RBFOX1: variants seen among roughly 807,000 people sequenced by gnomAD.
RBFOX1 encodes RNA binding protein fox-1 homolog 1.
A neutral mutation model predicts 57.7 loss-of-function variants in RBFOX1; 8 were observed. That is an observed-to-expected ratio of 0.14 (90% CI 0.08 to 0.25). The LOEUF (loss-of-function observed/expected upper bound fraction) is 0.25. Among genes scored for constraint, RBFOX1 ranks in the 10% least tolerant of loss-of-function variants. The pLI, the probability that RBFOX1 is intolerant of heterozygous loss-of-function variation, is 1.00. For synonymous variants in RBFOX1, 326 were observed against 222.4 expected, an observed-to-expected ratio of 1.47 and a Z score of -4.15; for missense variants, 611 against 548.5, an observed-to-expected ratio of 1.11 and a Z score of -1.14.
intron 3 of RBFOX1, among the ~76,000 whole-genome samples, chr16:5,806,788 A>G (rs984282315): frequency 1.3e-5 from 2 of 152,204 alleles, no homozygotes; most frequent in Non-Finnish European, 2.9e-5. Flanking sequence ...TGACTGCAGG[A>G]TCACTGATGC....
chr16:6,349,916 G>T lies in RBFOX1; in HGVS notation c.-64+32859G>T, dbSNP rs2795566. Among the ~76,000 whole-genome samples, 1,238 of 152,282 alleles carry T rather than the reference G, an allele frequency of 8.1e-3. 21 individuals carry two copies. The highest frequency in any genetic ancestry group is 0.028 in the African/African-American group (1,166 of 41,558). On this transcript the variant is annotated intron_variant, in intron 2 of 15. Coordinates refer to ENST00000550418, the MANE Select transcript of RBFOX1 (RefSeq NM_018723.4). ...AGAACTCGTGTCTTCTACAGGGGAT[G>T]CCATGGGGGGCAGTGGTGAGCTTAA... is the stretch of plus-strand genomic sequence containing the variant.
intron 11 of RBFOX1, among the ~76,000 whole-genome samples, chr16:7,650,116 G>T (rs915082733): frequency 7.3e-5 from 11 of 151,430 alleles, no homozygotes; most frequent in Non-Finnish European, 1.6e-4. Context: ...AGTATAAGAA[G>T]GAAGGAAGGA....
chr16:7,170,777 G>C (rs887219390), intron 4 of RBFOX1, among the ~76,000 whole-genome samples: 1 of 152,080 alleles, frequency 6.6e-6, no homozygotes, highest in Non-Finnish European at 1.5e-5. Context: ...TACAGTCTTA[G>C]GGAAAACATG....
chr16:7,161,259 T>A (rs938129689), intron 4 of RBFOX1, among the ~76,000 whole-genome samples: 2 of 152,192 alleles, frequency 1.3e-5, no homozygotes, highest in African/African-American at 2.4e-5. Context: ...TGATTAATGA[T>A]GTCTGCTGTG....
chr16:5,281,564 C>G (rs1333822900), intron 1 of RBFOX1, among the ~76,000 whole-genome samples: 1 of 152,164 alleles, frequency 6.6e-6, no homozygotes, highest in South Asian at 2.1e-4. Flanking sequence ...CTCTATCTCT[C>G]CGTCTAGATT....
chr16:5,700,341 C>G (rs905526033), intron 3 of RBFOX1, among the ~76,000 whole-genome samples: 3 of 151,586 alleles, frequency 2.0e-5, no homozygotes, highest in East Asian at 1.9e-4. Context: ...CCTGGTCTTT[C>G]TATATCTAAA....
chr16:5,749,577 T>A (rs2053116551), intron 3 of RBFOX1, among the ~76,000 whole-genome samples: 1 of 152,202 alleles, frequency 6.6e-6, no homozygotes, highest in South Asian at 2.1e-4. Flanking sequence ...TTTTACTCTT[T>A]TTTCTCTAAA....
chr16:6,276,211 G>T (rs2075784657), intron 1 of RBFOX1, among the ~76,000 whole-genome samples: 1 of 152,236 alleles, frequency 6.6e-6, no homozygotes, highest in South Asian at 2.1e-4. Flanking sequence ...TTTTGTTACA[G>T]TCGTCAGAAC....
At chr16:7,412,839 G>A (rs929707264) in intron 4 of RBFOX1, among the ~76,000 whole-genome samples, 1 of 152,082 alleles carries the variant, frequency 6.6e-6, no homozygotes, top group Non-Finnish European at 1.5e-5. Context: ...TCAGGAGATC[G>A]AGACCATCCT....
At chr16:6,190,867 T>G (rs1567645410) in intron 1 of RBFOX1, among the ~76,000 whole-genome samples, 1 of 152,140 alleles carries the variant, frequency 6.6e-6, no homozygotes, top group African/African-American at 2.4e-5. Context: ...TTGGGAGAAA[T>G]GTACCATATG....
chr16:6,656,750 A>T lies in RBFOX1; in HGVS notation c.-16+2100A>T, dbSNP rs547483588. Among the ~76,000 whole-genome samples the T allele has an allele frequency of 5.9e-5, 9 of 152,248 alleles. No homozygotes were observed. The East Asian group carries it at 1.5e-3, about 26-fold the overall frequency. On this transcript the variant is annotated intron_variant, in intron 3 of 15. Transcript: ENST00000550418. ...TCATATGACTGATAGATAAATTTCT[A>T]AACAATTTGTTGCAGTTAATTGGTG...
chr16:5,721,337 T>A (rs528179720), intron 3 of RBFOX1, among the ~76,000 whole-genome samples: 1 of 152,322 alleles, frequency 6.6e-6, no homozygotes, highest in Admixed American at 6.5e-5. Flanking sequence ...GTTTTAATAC[T>A]TGTGTGGGTG....
At chr16:5,407,241 C>T (rs966005707) in intron 1 of RBFOX1, among the ~76,000 whole-genome samples, 2 of 152,146 alleles carry the variant, frequency 1.3e-5, no homozygotes, top group African/African-American at 2.4e-5. Context: ...GGAAACTGCT[C>T]CATGATCCAG....
intron 4 of RBFOX1, among the ~76,000 whole-genome samples, chr16:7,279,150 T>C (rs968732027): frequency 6.0e-5 from 9 of 151,080 alleles, no homozygotes; most frequent in African/African-American, 2.2e-4. Context: ...TTTTTAAACA[T>C]GGATCTTTGG....
intron 3 of RBFOX1, among the ~76,000 whole-genome samples, chr16:5,674,801 A>T (rs1206238173): frequency 6.6e-6 from 1 of 152,178 alleles, no homozygotes; most frequent in Non-Finnish European, 1.5e-5. Context: ...TGTTGGACAG[A>T]TTCAGATATA....
chr16:6,487,831 GT>G (rs1231179415), intron 2 of RBFOX1, among the ~76,000 whole-genome samples: 1 of 147,784 alleles, frequency 6.8e-6, no homozygotes, highest in Non-Finnish European at 1.5e-5. Flanking sequence ...CTAGATTCAT[GT>G]TTATCTAATG....
chr16:6,749,498 A>T (rs1322830984), intron 3 of RBFOX1, among the ~76,000 whole-genome samples: 1 of 152,144 alleles, frequency 6.6e-6, no homozygotes, highest in Non-Finnish European at 1.5e-5. Context: ...CTTTCCAGAT[A>T]AGGATACTGA....
chr16:6,780,161 T>TTA lies in RBFOX1; in HGVS notation c.-16+125517_-16+125518dup, dbSNP rs1555460658. On this transcript the variant is annotated intron_variant, in intron 3 of 15. Coordinates refer to ENST00000550418, the MANE Select transcript of RBFOX1 (RefSeq NM_018723.4). ...TATTTATATATATTTATATATATAT[T>TTA]TATATATTTTTATATATTTATATAT... 6.1e-5 allele frequency among the ~76,000 whole-genome samples: 2 copies of TTA among 32,642 alleles called. 1 individual carries two copies. Among genetic ancestry groups the TTA allele is most frequent in the Non-Finnish European group, 8.2e-5 (2 of 24,264 alleles). The allele number at this position is 32,642 out of a possible 152,430, so 21.4% of individuals were successfully genotyped here. A position where few individuals can be genotyped will look rare whatever the true frequency, so the allele number is the denominator to read the frequency against.
rs567448072 is a variant in RBFOX1, at chr16:6,418,519, A to ATTTT, written c.-64+101483_-64+101486dup. On this transcript the variant is annotated intron_variant, in intron 2 of 15. Transcript: ENST00000550418. ...GGACAGATGTCTTTCTGCAAGCCTT[A>ATTTT]TTTTTTTTTTTTTTTTTTTTTTTTG... is the stretch of plus-strand genomic sequence containing the variant. Among the ~76,000 whole-genome samples, 225 of 100,924 alleles carry ATTTT rather than the reference A, an allele frequency of 2.2e-3. 14 individuals are homozygous for ATTTT. The highest frequency in any genetic ancestry group is 7.5e-3 in the African/African-American group (187 of 25,064). 66.2% of individuals were successfully genotyped at this position (100,924 alleles called of 152,430 possible). A position where few individuals can be genotyped will look rare whatever the true frequency, so the allele number is the denominator to read the frequency against.
Sources: allele counts gnomAD v4.1 joint callset (sites outside exome capture counted in the v4.1 genomes callset), GRCh38; gene constraint gnomAD v4.1.1; transcripts MANE v1.5; gene names NCBI Gene and HGNC (gene_info 2026-07-23, HGNC 2026-07-21).